RPS6KC1: variants seen among roughly 807,000 people sequenced by gnomAD.
RPS6KC1 encodes the protein inactive ribosomal protein S6 kinase delta-1.
Under a neutral mutation model 103.8 loss-of-function variants are expected in RPS6KC1, and 54 were observed. The observed-to-expected ratio is 0.52, with a 90% CI of 0.42 to 0.65. The LOEUF (loss-of-function observed/expected upper bound fraction) is 0.65. RPS6KC1 is among the 30% of genes least tolerant of loss of function. RPS6KC1 has a pLI of 0.00. For synonymous variants in RPS6KC1, 439 were observed against 438.7 expected, an observed-to-expected ratio of 1.00 and a Z score of -0.01; for missense variants, 1,151 against 1,253.8, an observed-to-expected ratio of 0.92 and a Z score of 1.24.
the RPS6KC1 span, among the ~76,000 whole-genome samples, chr1:213,594,951 G>T: frequency 2.6e-5 from 4 of 152,292 alleles, no homozygotes; most frequent in African/African-American, 9.6e-5. Flanking sequence ...CTTGGCCTTC[G>T]TGGCACTGGG....
chr1:213,792,835 A>C, the RPS6KC1 span, among the ~76,000 whole-genome samples: 1 of 146,416 alleles, frequency 6.8e-6, no homozygotes, highest in African/African-American at 2.5e-5. Flanking sequence ...CCCCACCAAC[A>C]ACCACCCCCA....
At chr1:213,760,791 G>GAATT in the RPS6KC1 span, among the ~76,000 whole-genome samples, 1 of 151,268 alleles carries the variant, frequency 6.6e-6, no homozygotes, top group Non-Finnish European at 1.5e-5. Context: ...TAATACTAAG[G>GAATT]CTGAGCAGGA....
chr1:213,773,803 T>C, the RPS6KC1 span, among the ~76,000 whole-genome samples: 1 of 152,218 alleles, frequency 6.6e-6, no homozygotes, highest in African/African-American at 2.4e-5. Context: ...TGGTCTCTTT[T>C]ACTTAAGGTC....
At chr1:213,619,246 A>G in the RPS6KC1 span, among the ~76,000 whole-genome samples, 1 of 152,180 alleles carries the variant, frequency 6.6e-6, no homozygotes, top group Non-Finnish European at 1.5e-5. Context: ...GGGATCACAT[A>G]ACAACAGATT....
the RPS6KC1 span, among the ~76,000 whole-genome samples, chr1:213,747,515 C>T: frequency 6.6e-6 from 1 of 152,186 alleles, no homozygotes. Flanking sequence ...TGGCAAGTTT[C>T]TGTTTTCTTT....
the RPS6KC1 span, among the ~76,000 whole-genome samples, chr1:213,741,471 C>G: frequency 2.6e-5 from 4 of 151,864 alleles, no homozygotes; most frequent in East Asian, 7.7e-4. Context: ...TCTATAATGG[C>G]AAATATTTCT....
At chr1:213,252,848 G>A (rs1422854842) in intron 12 of RPS6KC1, among the ~76,000 whole-genome samples, 1 of 152,044 alleles carries the variant, frequency 6.6e-6, no homozygotes, top group Non-Finnish European at 1.5e-5. Flanking sequence ...CTGCTATTTG[G>A]ATAAAGCATT....
the RPS6KC1 span, among the ~76,000 whole-genome samples, chr1:213,427,075 G>A: frequency 6.6e-6 from 1 of 152,190 alleles, no homozygotes; most frequent in African/African-American, 2.4e-5. Context: ...TTCCCATGTG[G>A]ATGCATGGCA....
chr1:213,395,304 T>A, the RPS6KC1 span, among the ~76,000 whole-genome samples: 1 of 152,208 alleles, frequency 6.6e-6, no homozygotes, highest in South Asian at 2.1e-4. Flanking sequence ...ATCATGTTTG[T>A]AAAGAGTCTG....
the RPS6KC1 span, among the ~76,000 whole-genome samples, chr1:213,514,691 C>A: frequency 6.6e-6 from 1 of 152,198 alleles, no homozygotes; most frequent in South Asian, 2.1e-4. Context: ...AATAAACATA[C>A]GTGTGCATAT....
chr1:213,760,937 G>A, the RPS6KC1 span, among the ~76,000 whole-genome samples: 3 of 119,308 alleles, frequency 2.5e-5, no homozygotes, highest in East Asian at 5.9e-4. Context: ...CATTTGGGGG[G>A]AAAATGAACA....
chr1:213,452,310 C>T, the RPS6KC1 span, among the ~76,000 whole-genome samples: 1 of 151,322 alleles, frequency 6.6e-6, no homozygotes, highest in Non-Finnish European at 1.5e-5. Flanking sequence ...ATTTCTCTCA[C>T]TCCTCTCTCT....
intron 7 of RPS6KC1, 125 bp from the exon 8 acceptor site, chr1:213,176,270 CTTCCT>C: frequency 2.0e-6 from 1 of 488,340 alleles, no homozygotes. Flanking sequence ...ACAGAAACTT[CTTCCT>C]TTCATCTTTC....
At chr1:213,634,649 C>A in the RPS6KC1 span, among the ~76,000 whole-genome samples, 1 of 151,928 alleles carries the variant, frequency 6.6e-6, no homozygotes, top group Non-Finnish European at 1.5e-5. Flanking sequence ...AATCAACACC[C>A]TAACATCACA....
At chr1:213,787,053 G>T in the RPS6KC1 span, among the ~76,000 whole-genome samples, 4 of 152,162 alleles carry the variant, frequency 2.6e-5, no homozygotes, top group South Asian at 2.1e-4. Flanking sequence ...GAGATAAACT[G>T]ACAACGGCTT....
At chr1:213,764,174 C>G in the RPS6KC1 span, among the ~76,000 whole-genome samples, 1 of 152,190 alleles carries the variant, frequency 6.6e-6, no homozygotes, top group Non-Finnish European at 1.5e-5. Context: ...TTGTTCAGGT[C>G]TTGCTGAGAG....
At chr1:213,363,145 A>G in the RPS6KC1 span, among the ~76,000 whole-genome samples, 64,679 of 152,052 alleles carry the variant, frequency 0.43, 16,422 homozygotes, top group African/African-American at 0.7. Flanking sequence ...TCTTGGCCTC[A>G]TCTACCCAGG....
chr1:213,423,680 G>C, the RPS6KC1 span, among the ~76,000 whole-genome samples: 1 of 152,062 alleles, frequency 6.6e-6, no homozygotes, highest in South Asian at 2.1e-4. Context: ...GCCTCTGTTA[G>C]TTCCAAGTGT....
At chr1:213,617,116 C>G in the RPS6KC1 span, among the ~76,000 whole-genome samples, 1 of 152,148 alleles carries the variant, frequency 6.6e-6, no homozygotes. Flanking sequence ...TAGCCTGGCC[C>G]CTATCTCCTA....
Sources: allele counts gnomAD v4.1 joint callset (sites outside exome capture counted in the v4.1 genomes callset), GRCh38; gene constraint gnomAD v4.1.1; transcripts MANE v1.5; gene names NCBI Gene and HGNC (gene_info 2026-07-23, HGNC 2026-07-21).